Variants in RALGAPA2 observed in about 807,000 individuals in gnomAD.
The protein encoded by RALGAPA2 is ral GTPase-activating protein subunit alpha-2.
RALGAPA2 carries 139 observed loss-of-function variants against 230.4 expected under a neutral mutation model. That is an observed-to-expected ratio of 0.60 (90% confidence interval 0.53 to 0.69). RALGAPA2 has a LOEUF of 0.69. Among genes scored for constraint, RALGAPA2 ranks in the 30% least tolerant of loss-of-function variants. The probability of loss-of-function intolerance (pLI) is 0.00; values close to 1 mark genes in which losing one functional copy is unlikely to be tolerated. For synonymous variants in RALGAPA2, 847 were observed against 837.8 expected (o/e 1.01, Z -0.19); for missense variants, 2,163 against 2,276.0 (o/e 0.95, Z 1.01).
chr20:20,443,035 C>A (rs1212972695), intron 37 of RALGAPA2, among the ~76,000 whole-genome samples: 4 of 152,202 alleles, frequency 2.6e-5, no homozygotes, highest in Admixed American at 2.6e-4. Context: ...ACCACTGATA[C>A]AAGGGCAGAG....
chr20:20,704,154 C>T (rs903996577), intron 1 of RALGAPA2, among the ~76,000 whole-genome samples: 2 of 152,122 alleles, frequency 1.3e-5, no homozygotes, highest in Non-Finnish European at 2.9e-5. Context: ...AGAACTCCCT[C>T]CATGTCCCCA....
intron 37 of RALGAPA2, among the ~76,000 whole-genome samples, chr20:20,436,666 G>C (rs1455629864): frequency 6.6e-6 from 1 of 152,210 alleles, no homozygotes; most frequent in Non-Finnish European, 1.5e-5. Context: ...TCAATGTGTT[G>C]ACACTGTCGT....
chr20:20,399,489 C>A (rs1055957296), intron 38 of RALGAPA2, among the ~76,000 whole-genome samples: 1 of 152,196 alleles, frequency 6.6e-6, no homozygotes, highest in Non-Finnish European at 1.5e-5. Context: ...TCCTCGGGGA[C>A]AGCCCTTAGC....
chr20:20,659,715 C>A (rs2067706151), intron 3 of RALGAPA2: 2 of 577,490 alleles, frequency 3.5e-6, no homozygotes, highest in South Asian at 1.7e-5. Context: ...AGAGGATGAA[C>A]AAGTTATACA....
At chr20:20,529,329 G>A (rs1040538673) in intron 27 of RALGAPA2, among the ~76,000 whole-genome samples, 1 of 152,112 alleles carries the variant, frequency 6.6e-6, no homozygotes, top group Admixed American at 6.5e-5. Context: ...CTGGGATAGC[G>A]GACAGAGTGA....
intron 36 of RALGAPA2, among the ~76,000 whole-genome samples, chr20:20,483,272 C>A (rs764151157): frequency 6.6e-6 from 1 of 152,182 alleles, no homozygotes; most frequent in Non-Finnish European, 1.5e-5. Flanking sequence ...TAATTGCAAT[C>A]ATGATCACAA....
At chr20:20,582,140 T>C (rs987506930) in intron 20 of RALGAPA2, among the ~76,000 whole-genome samples, 4 of 150,274 alleles carry the variant, frequency 2.7e-5, no homozygotes, top group Non-Finnish European at 5.9e-5. Context: ...ACCTTTGAGG[T>C]TGACTTACCC....
At chr20:20,535,498 T>C (rs1217888948) in intron 26 of RALGAPA2, among the ~76,000 whole-genome samples, 2 of 152,240 alleles carry the variant, frequency 1.3e-5, no homozygotes, top group East Asian at 1.9e-4. Context: ...ATTATATTTG[T>C]AATCTTGCTT....
intron 1 of RALGAPA2, among the ~76,000 whole-genome samples, chr20:20,695,275 T>G (rs1204281559): frequency 6.6e-6 from 1 of 152,222 alleles, no homozygotes; most frequent in African/African-American, 2.4e-5. Flanking sequence ...GACCTAGTTA[T>G]CTGGAGAAGC....
intron 26 of RALGAPA2, among the ~76,000 whole-genome samples, chr20:20,532,124 GGAA>G (rs1361241238): frequency 3.3e-5 from 5 of 152,140 alleles, no homozygotes; most frequent in Non-Finnish European, 5.9e-5. Context: ...ATATTTTTGA[GGAA>G]GAATAAGAAA....
At chr20:20,444,211 AG>A (rs1298663213) in intron 37 of RALGAPA2, among the ~76,000 whole-genome samples, 1 of 152,218 alleles carries the variant, frequency 6.6e-6, no homozygotes, top group Non-Finnish European at 1.5e-5. Flanking sequence ...AAGGACCTCC[AG>A]GGGCCTGTAA....
At chr20:20,631,662 T>C (rs1216413594) in intron 9 of RALGAPA2, among the ~76,000 whole-genome samples, 2 of 152,232 alleles carry the variant, frequency 1.3e-5, no homozygotes, top group Non-Finnish European at 2.9e-5. Flanking sequence ...TGATTTTGGA[T>C]TTCTGACTTT....
chr20:20,690,729 C>T (rs1323284461), intron 1 of RALGAPA2, among the ~76,000 whole-genome samples: 1 of 152,176 alleles, frequency 6.6e-6, no homozygotes, highest in Non-Finnish European at 1.5e-5. Flanking sequence ...CCTACACTCA[C>T]ATACCACCAG....
intron 8 of RALGAPA2, among the ~76,000 whole-genome samples, chr20:20,636,993 C>G (rs1355858317): frequency 6.6e-6 from 1 of 152,154 alleles, no homozygotes; most frequent in Non-Finnish European, 1.5e-5. Context: ...TTGGGCTGGC[C>G]TCCAGTCACT....
rs962401459 is a variant in RALGAPA2 at position 20,562,843 on chromosome 20, A to G, written c.3156+8615T>C. On this transcript the variant is annotated intron_variant, in intron 23 of 39. Transcript: ENST00000202677. Reference sequence around the variant, plus strand: ...ATAATTATTGATTCTACAGCTATAAAAAAAAGAAAAAATATCTCGCATTTA... The same window carrying G: ...ATAATTATTGATTCTACAGCTATAAGAAAAAGAAAAAATATCTCGCATTTA... Among the ~76,000 whole-genome samples the G allele has an allele frequency of 5.3e-5, 8 of 152,372 alleles. No individual in the cohort carries two copies. In the East Asian group the frequency reaches 1.5e-3, roughly 29 times the overall value.
chr20:20,679,446 G>A (rs1403839414), intron 2 of RALGAPA2, among the ~76,000 whole-genome samples: 2 of 152,062 alleles, frequency 1.3e-5, no homozygotes, highest in African/African-American at 4.8e-5. Flanking sequence ...TGGTGTTCTT[G>A]CCTCTGGTTC....
At chr20:20,422,340 T>C (rs1156258807) in intron 37 of RALGAPA2, among the ~76,000 whole-genome samples, 2 of 152,126 alleles carry the variant, frequency 1.3e-5, no homozygotes, top group Non-Finnish European at 2.9e-5. Flanking sequence ...GGCTCACCCC[T>C]GTAATCCCCA....
rs576792974 is a variant in RALGAPA2 at position 20,712,603 on chromosome 20, T to TGCC, written c.-126_-124dup. 0.016 allele frequency: 19,025 copies of TGCC among 1,179,130 alleles called. 379 individuals are homozygous for TGCC. Among genetic ancestry groups the TGCC allele is most frequent in the East Asian group, 0.085 (2,175 of 25,656 alleles). 73.0% of individuals were successfully genotyped at this position (1,179,130 alleles called of 1,614,324 possible). ...CACTCGCCGCCCCCAGCCCCGCTGC[T>TGCC]GCCGCCGCCGCCGCCGCCGCCGCCG... On this transcript the variant is annotated 5_prime_UTR_variant, in exon 1 of 40. Transcript: ENST00000202677. The surrounding 1 kb of genome is among the most constrained non-coding windows in gnomAD (Gnocchi z 5.5).
intron 26 of RALGAPA2, among the ~76,000 whole-genome samples, chr20:20,533,477 A>G (rs2063419648): frequency 6.6e-6 from 1 of 152,216 alleles, no homozygotes; most frequent in Non-Finnish European, 1.5e-5. Context: ...CTAATCACAT[A>G]GCCTCAAAAT....
Sources: gnomAD v4.1 joint callset for allele counts (sites outside exome capture counted in the v4.1 genomes callset) on GRCh38, gnomAD v4.1.1 for gene constraint, Gnocchi (gnomAD v3.1) non-coding constraint, MANE v1.5 for transcripts, NCBI Gene and HGNC (gene_info 2026-07-23, HGNC 2026-07-21) for gene names.